Variants in CACNA1C observed in about 807,000 individuals in gnomAD.
CACNA1C encodes the protein voltage-dependent L-type calcium channel subunit alpha-1C.
Under a neutral mutation model 229.0 loss-of-function variants are expected in CACNA1C, and 30 were observed. That is an observed-to-expected ratio of 0.13 (90% CI 0.10 to 0.18). The LOEUF is 0.18. Among genes scored for constraint, CACNA1C ranks in the 10% least tolerant of loss-of-function variants. CACNA1C has a pLI of 1.00. For synonymous variants in CACNA1C, 1,114 were observed against 1,132.5 expected, an observed-to-expected ratio of 0.98 and a Z score of 0.33; for missense variants, 1,658 against 2,845.0, an observed-to-expected ratio of 0.58 and a Z score of 9.49.
intron 5 of CACNA1C, among the ~76,000 whole-genome samples, chr12:2,474,410 G>A (rs2154568376): frequency 6.6e-6 from 1 of 152,292 alleles, no homozygotes; most frequent in Non-Finnish European, 1.5e-5. Context: ...CTGGGAGTGA[G>A]TGTGGCAGGA....
intron 3 of CACNA1C, among the ~76,000 whole-genome samples, chr12:2,198,460 G>A (rs1413116459): frequency 3.3e-5 from 5 of 152,150 alleles, no homozygotes; most frequent in African/African-American, 4.8e-5. Context: ...TTACAGCTCC[G>A]CATATTGTAG....
At chr12:2,062,388 A>G (rs2057815508) in intron 1 of CACNA1C, among the ~76,000 whole-genome samples, 1 of 152,244 alleles carries the variant, frequency 6.6e-6, no homozygotes, top group South Asian at 2.1e-4. Flanking sequence ...AGCCACCCAG[A>G]CAGTGTTGGG....
chr12:2,601,877 G>A lies in CACNA1C; in HGVS notation c.2877G>A (p.Leu959=). The A allele has an allele frequency of 1.2e-6, 2 of 1,613,728 alleles. No homozygotes were observed. Among genetic ancestry groups the A allele is most frequent in the Non-Finnish European group, 1.7e-6 (2 of 1,179,650 alleles). The part of the protein sequence containing the change: ...ALKMTAYGAF[L]HKGSFCRNYF... ...AGATGACTGCTTATGGGGCTTTCTT[G>A]CACAAGGGTTCTTTCTGCCGGAACT... The change falls in exon 22 of 47, where the codon TTG becomes TTA. Residue 959 remains leucine, a synonymous_variant. Transcript: ENST00000399655. The surrounding 1 kb of genome is among the most constrained non-coding windows in gnomAD (Gnocchi z 5.9).
At chr12:2,041,842 G>A (rs1297017960) in intron 1 of CACNA1C, among the ~76,000 whole-genome samples, 3 of 152,226 alleles carry the variant, frequency 2.0e-5, no homozygotes, top group African/African-American at 7.2e-5. Flanking sequence ...CGGGGCTGCC[G>A]AGCCAGGACC....
At chr12:2,592,194 A>G (rs78965679) in intron 18 of CACNA1C, among the ~76,000 whole-genome samples, 95 of 152,334 alleles carry the variant, frequency 6.2e-4, no homozygotes, top group Non-Finnish European at 1.2e-3. Context: ...TAAGGATCTG[A>G]CTGAGAAAGA....
At chr12:2,259,646 A>T (rs184370903) in intron 3 of CACNA1C, among the ~76,000 whole-genome samples, 1 of 152,314 alleles carries the variant, frequency 6.6e-6, no homozygotes, top group Admixed American at 6.5e-5. Flanking sequence ...ATTGTATCAG[A>T]TCTAAGTGTG....
At chr12:2,613,185 CTT>C (rs947286363) in intron 29 of CACNA1C, 4 of 152,208 alleles carry the variant, frequency 2.6e-5, no homozygotes, top group Non-Finnish European at 5.9e-5. Context: ...TTCACTCACA[CTT>C]TGGATTCCAT....
At chr12:2,416,548 G>T (rs1035314595) in intron 3 of CACNA1C, among the ~76,000 whole-genome samples, 1 of 152,172 alleles carries the variant, frequency 6.6e-6, no homozygotes, top group Non-Finnish European at 1.5e-5. Flanking sequence ...TTTGTCCCAG[G>T]TCAAACCACT....
chr12:2,089,568 C>T (rs556992905), intron 1 of CACNA1C, among the ~76,000 whole-genome samples: 53 of 152,204 alleles, frequency 3.5e-4, no homozygotes, highest in African/African-American at 1.3e-3. Flanking sequence ...GGGGCTCTGC[C>T]GGGCCCATCC....
At chr12:2,384,992 C>T (rs1395100766) in intron 3 of CACNA1C, among the ~76,000 whole-genome samples, 2 of 152,122 alleles carry the variant, frequency 1.3e-5, no homozygotes, top group Admixed American at 6.5e-5. Flanking sequence ...GCCAACTGAC[C>T]GTGAAAGGAG....
chr12:2,629,604 T>C (rs891237308), intron 29 of CACNA1C, among the ~76,000 whole-genome samples: 1 of 152,190 alleles, frequency 6.6e-6, no homozygotes, highest in Non-Finnish European at 1.5e-5. Flanking sequence ...AAGTTATTTG[T>C]TCAAGGCTAC....
chr12:2,347,313 G>T lies in CACNA1C; in HGVS notation c.478-101663G>T, dbSNP rs569889943. On this transcript the variant is annotated intron_variant, in intron 3 of 46. Coordinates refer to ENST00000399655, the MANE Select transcript of CACNA1C (RefSeq NM_000719.7). The stretch of plus-strand genomic sequence containing the variant: ...AGCACCCATGGTTGCCTGTCTTCCC[G>T]ATCATACGGTTTACATTTGCAGTTC... 2.0e-5 allele frequency among the ~76,000 whole-genome samples: 3 copies of T among 152,326 alleles called. No homozygotes were observed. The South Asian group carries it at 6.2e-4, about 32-fold the overall frequency.
chr12:2,271,116 G>A (rs2084787173), intron 3 of CACNA1C, among the ~76,000 whole-genome samples: 1 of 152,158 alleles, frequency 6.6e-6, no homozygotes, highest in African/African-American at 2.4e-5. Flanking sequence ...CCTCCAGCCA[G>A]TATTGGGTAG....
chr12:2,061,093 C>A (rs1458583207), intron 1 of CACNA1C, among the ~76,000 whole-genome samples: 1 of 150,704 alleles, frequency 6.6e-6, no homozygotes, highest in Non-Finnish European at 1.5e-5. Context: ...TCTTTGACTT[C>A]ATCTCTTTCT....
chr12:2,454,521 T>G (rs1432545926), intron 4 of CACNA1C, among the ~76,000 whole-genome samples: 1 of 152,188 alleles, frequency 6.6e-6, no homozygotes, highest in African/African-American at 2.4e-5. Context: ...CTCACTCACT[T>G]GCATTTATGC....
intron 3 of CACNA1C, among the ~76,000 whole-genome samples, chr12:2,414,886 T>C (rs141146811): frequency 2.0e-5 from 3 of 152,122 alleles, no homozygotes; most frequent in Non-Finnish European, 4.4e-5. Flanking sequence ...TCACGGGCTT[T>C]CTTTCTCCCA....
rs1421862781 is a variant in CACNA1C, at chr12:1,971,232, GGAAGAACATGTT to G, written c.139+35_139+46del. 1 of 1,226,020 alleles carries G rather than the reference GGAAGAACATGTT, an allele frequency of 8.2e-7. No homozygotes were observed. The highest frequency in any genetic ancestry group is 1.3e-5 in the South Asian group (1 of 78,968). The allele number at this position is 1,226,020 out of a possible 1,614,324, so 75.9% of individuals were successfully genotyped here. On this transcript the variant is annotated intron_variant, in intron 1 of 46. Coordinates refer to the CACNA1C transcript ENST00000682462. This position sits in a 1 kb window ranked among gnomAD's most constrained non-coding sequence, Gnocchi z 4.2. ...AAACCCTAAAGTGAAATAAAGAGTA[GGAAGAACATGTT>G]GAAATTTACTCTAAATATCCTAATG...
At chr12:2,224,702 A>G (rs986276437) in intron 3 of CACNA1C, among the ~76,000 whole-genome samples, 1 of 152,230 alleles carries the variant, frequency 6.6e-6, no homozygotes, top group Non-Finnish European at 1.5e-5. Context: ...GCAACTTAGC[A>G]TTCTTCGTAT....
Position 2,512,311 on chromosome 12 carries a change from G to C in CACNA1C, c.1218-501G>C, listed in dbSNP as rs2099786292. Among the ~76,000 whole-genome samples, 1 of 152,126 alleles carries C rather than the reference G, an allele frequency of 6.6e-6. No homozygotes were observed. Among genetic ancestry groups the C allele is most frequent in the Non-Finnish European group, 1.5e-5 (1 of 68,020 alleles). Reference sequence around the variant, plus strand: ...AGAGACATGAATGATTGGCTCTCAGGACCTGGGGCGAGTGAGTGGGCTTTG... The same window carrying C: ...AGAGACATGAATGATTGGCTCTCAGCACCTGGGGCGAGTGAGTGGGCTTTG... On this transcript the variant is annotated intron_variant, in intron 8 of 46. Coordinates refer to ENST00000399655, the MANE Select transcript of CACNA1C (RefSeq NM_000719.7). This position sits in a 1 kb window ranked among gnomAD's most constrained non-coding sequence, Gnocchi z 4.3.
Sources: allele counts gnomAD v4.1 joint callset (sites outside exome capture counted in the v4.1 genomes callset), GRCh38; gene constraint gnomAD v4.1.1; non-coding constraint Gnocchi (gnomAD v3.1); transcripts MANE v1.5; gene names NCBI Gene and HGNC (gene_info 2026-07-23, HGNC 2026-07-21).